The following CCT6B variants were observed in gnomAD, a reference collection of about 807,000 sequenced individuals.
The protein encoded by CCT6B is chaperonin containing TCP1 subunit 6B, also known as probable T-complex protein 1 subunit zeta-2.
A neutral mutation model predicts 61.5 loss-of-function variants in CCT6B; 49 were observed. The ratio of observed to expected loss-of-function variants is 0.80; its 90% CI spans 0.63 to 1.01. CCT6B has a LOEUF of 1.01. Ranked by LOEUF, CCT6B falls within the 50% of genes least tolerant of loss-of-function variation. The pLI is 0.00. For synonymous variants in CCT6B, 228 were observed against 214.5 expected (o/e 1.06, Z -0.55); for missense variants, 666 against 634.7 (o/e 1.05, Z -0.53).
chr17:34,960,229 T>C (rs181816195), intron 1 of CCT6B, among the ~76,000 whole-genome samples: 52 of 152,352 alleles, frequency 3.4e-4, no homozygotes, highest in African/African-American at 1.2e-3. Flanking sequence ...ATGATTTTTA[T>C]GTTTTCCATC....
intron 10 of CCT6B, among the ~76,000 whole-genome samples, chr17:34,937,241 A>G (rs1188914204): frequency 1.3e-5 from 2 of 152,206 alleles, no homozygotes; most frequent in Non-Finnish European, 2.9e-5. Flanking sequence ...TATGGAAGTC[A>G]TATGGAAATG....
intron 5 of CCT6B, among the ~76,000 whole-genome samples, chr17:34,951,094 T>C (rs2142170582): frequency 6.6e-6 from 1 of 152,084 alleles, no homozygotes; most frequent in East Asian, 1.9e-4. Flanking sequence ...TAACAGAGAC[T>C]AAAAGAGATA....
intron 3 of CCT6B, among the ~76,000 whole-genome samples, chr17:34,955,897 A>C (rs1467517890): frequency 6.6e-6 from 1 of 152,186 alleles, no homozygotes; most frequent in Non-Finnish European, 1.5e-5. Context: ...ATAAGAAGTG[A>C]AACCAGGTTG....
At chr17:34,938,449 G>A (rs1049611338) in intron 10 of CCT6B, among the ~76,000 whole-genome samples, 5 of 151,816 alleles carry the variant, frequency 3.3e-5, no homozygotes, top group Admixed American at 1.3e-4. Context: ...TGCACCTATC[G>A]TCCAGCTGAG....
chr17:34,954,324 C>T, intron 4 of CCT6B, 102 bp downstream of exon 4: 3 of 855,374 alleles, frequency 3.5e-6, no homozygotes, highest in Non-Finnish European at 5.3e-6. Context: ...ATATTTTATG[C>T]CCAAAAAACC....
chr17:34,939,204 T>C lies in CCT6B; in HGVS notation c.1192A>G (p.Ile398Val), dbSNP rs760170731. Residue 398 changes from isoleucine (I) to valine (V), a missense_variant, in exon 10 of 14, where the codon ATC becomes GTC. By Grantham distance (29) the Ile-to-Val change is conservative. Transcript: ENST00000314144. ...KDAIRDGLRAIKNAIEDGCMV... is the reference protein window; with the variant it reads ...KDAIRDGLRAVKNAIEDGCMV... ...TTACCATCTTCAATGGCATTTTTGA[T>C]AGCACGAAGTCCATCTCTTATGGCA... 32 of 1,613,646 alleles carry C rather than the reference T, an allele frequency of 2.0e-5. No homozygotes were observed. The highest frequency in any genetic ancestry group is 2.6e-5 in the Non-Finnish European group (31 of 1,179,862).
intron 3 of CCT6B, among the ~76,000 whole-genome samples, chr17:34,955,814 A>T (rs1486058834): frequency 6.6e-6 from 1 of 152,086 alleles, no homozygotes; most frequent in African/African-American, 2.4e-5. Context: ...TATTATTATT[A>T]TTTTTCCTAT....
intron 5 of CCT6B, chr17:34,943,302 GT>G (rs1428940139): frequency 6.5e-6 from 1 of 154,944 alleles, no homozygotes; most frequent in Admixed American, 6.5e-5. Flanking sequence ...TCTAAGTTAT[GT>G]GATTCAAAAA....
chr17:34,953,778 A>AC (rs568944984), intron 4 of CCT6B, among the ~76,000 whole-genome samples: 5 of 151,954 alleles, frequency 3.3e-5, no homozygotes, highest in Non-Finnish European at 7.4e-5. Flanking sequence ...ACATAGTGAG[A>AC]CCCCATCTCT....
At position 34,961,246 on chromosome 17, in the gene CCT6B, C is replaced by T. The variant is rs550789848; in HGVS notation, c.137+11G>A. ...CTAGCCGCGTAATGGCCGCTCCAAC[C>T]GCTGTCTCACATTTTCATGGTGCCT... On this transcript the variant is annotated intron_variant, in intron 1 of 13. Transcript: ENST00000314144. 4.1e-5 allele frequency: 65 copies of T among 1,593,796 alleles called. No individual in the cohort carries two copies. Among genetic ancestry groups the T allele is most frequent in the East Asian group, 3.8e-4 (17 of 44,536 alleles).
chr17:34,951,124 A>C (rs1035139611), intron 5 of CCT6B, among the ~76,000 whole-genome samples: 1 of 152,228 alleles, frequency 6.6e-6, no homozygotes, highest in Non-Finnish European at 1.5e-5. Flanking sequence ...TGCACTATAC[A>C]GACTGTGCGT....
chr17:34,959,909 T>C (rs2090392901), intron 1 of CCT6B, among the ~76,000 whole-genome samples: 1 of 152,338 alleles, frequency 6.6e-6, no homozygotes, highest in South Asian at 2.1e-4. Context: ...TGTGGTTTGG[T>C]CAAAGAATAC....
At position 34,959,698 on chromosome 17, in the gene CCT6B, C is replaced by A. The variant is rs1216059514; in HGVS notation, c.138-48G>T. ...AACTTCATGTGGTAGGAAGACATTC[C>A]CAGTGCTTGCCACTCCATTATCCTT... On this transcript the variant is annotated intron_variant, in intron 1 of 13. Coordinates refer to ENST00000314144, the MANE Select transcript of CCT6B (RefSeq NM_006584.4). The A allele has an allele frequency of 2.3e-6, 3 of 1,290,216 alleles. No homozygotes were observed. The African/African-American group carries it at 4.4e-5, about 19-fold the overall frequency. The allele number at this position is 1,290,216 out of a possible 1,614,324, so 79.9% of individuals were successfully genotyped here. A position where few individuals can be genotyped will look rare whatever the true frequency, so the allele number is the denominator to read the frequency against.
chr17:34,929,007 C>G lies in CCT6B; in HGVS notation c.1478G>C (p.Gly493Ala), dbSNP rs1378376327. Residue 493 changes from glycine (G) to alanine (A), a missense_variant, in exon 13 of 14, where the codon GGA (glycine) becomes GCA (alanine). Physicochemically the swap from Gly to Ala is moderately conservative, Grantham distance 60 (BLOSUM62 0). Coordinates refer to ENST00000314144, the MANE Select transcript of CCT6B (RefSeq NM_006584.4). Reference sequence around the variant, plus strand: ...TTTTACACAATAATTATCCCAAACTCCTGCATCTGCTGCTACCATTGGCTC... The same window carrying G: ...TTTTACACAATAATTATCCCAAACTGCTGCATCTGCTGCTACCATTGGCTC... ...TGEPMVAADA[G>A]VWDNYCVKKQ... The G allele has an allele frequency of 1.3e-4, 214 of 1,609,474 alleles. 1 individual carries two copies. In the East Asian group the frequency reaches 4.8e-3, roughly 36 times the overall value.
At chr17:34,960,316 C>A (rs2090397621) in intron 1 of CCT6B, among the ~76,000 whole-genome samples, 1 of 152,184 alleles carries the variant, frequency 6.6e-6, no homozygotes, top group Admixed American at 6.5e-5. Flanking sequence ...ATCTACTTTT[C>A]CACAAGCAAA....
chr17:34,959,291 A>AT (rs1160595019), intron 2 of CCT6B, among the ~76,000 whole-genome samples: 2,078 of 129,422 alleles, frequency 0.016, 16 homozygotes, highest in Non-Finnish European at 0.022. Context: ...ACTGAGCAAA[A>AT]TTTTTTTTTT....
rs1040414446 is a variant in CCT6B at position 34,959,719 on chromosome 17, T to C, written c.138-69A>G. On this transcript the variant is annotated intron_variant, in intron 1 of 13. Coordinates refer to ENST00000314144, the MANE Select transcript of CCT6B (RefSeq NM_006584.4). ...ATTCCCAGTGCTTGCCACTCCATTA[T>C]CCTTAATAGAGGGAACTGGGCTCGG... 4.6e-6 allele frequency: 5 copies of C among 1,085,726 alleles called. No individual in the cohort carries two copies. In the African/African-American group the frequency reaches 6.1e-5, roughly 13 times the overall value. The allele number at this position is 1,085,726 out of a possible 1,614,324, so 67.3% of individuals were successfully genotyped here. A position where few individuals can be genotyped will look rare whatever the true frequency, so the allele number is the denominator to read the frequency against.
chr17:34,938,484 G>A (rs750167140), intron 10 of CCT6B, among the ~76,000 whole-genome samples: 1 of 152,010 alleles, frequency 6.6e-6, no homozygotes, highest in African/African-American at 2.4e-5. Context: ...TGAGCACAGG[G>A]GTTTGAGGCT....
intron 5 of CCT6B, chr17:34,943,722 A>G (rs1178623310): frequency 6.6e-6 from 1 of 151,936 alleles, no homozygotes; most frequent in Non-Finnish European, 1.5e-5. Flanking sequence ...TATGTAACAA[A>G]CCTGCACGTT....
Sources: gnomAD v4.1 joint callset for allele counts (sites outside exome capture counted in the v4.1 genomes callset) on GRCh38, gnomAD v4.1.1 for gene constraint, MANE v1.5 for transcripts, NCBI Gene and HGNC (gene_info 2026-07-23, HGNC 2026-07-21) for gene names.